Variants in NEDD1 observed in about 807,000 individuals in gnomAD.
NEDD1 encodes the protein NEDD1 gamma-tubulin ring complex targeting factor, also known as protein NEDD1.
A neutral mutation model predicts 74.0 loss-of-function variants in NEDD1; 33 were observed. The ratio of observed to expected loss-of-function variants is 0.45; its 90% confidence interval spans 0.34 to 0.60. The LOEUF is 0.60. Among genes scored for constraint, NEDD1 ranks in the 20% least tolerant of loss-of-function variants. The pLI, the probability that NEDD1 is intolerant of heterozygous loss-of-function variation, is 0.01. For missense variants in NEDD1, 746 were observed against 776.5 expected, an observed-to-expected ratio of 0.96 and a Z score of 0.47; for synonymous variants, 250 against 264.4, an observed-to-expected ratio of 0.95 and a Z score of 0.53.
intron 6 of NEDD1, among the ~76,000 whole-genome samples, chr12:96,925,535 A>G (rs1404458040): frequency 2.0e-5 from 3 of 152,170 alleles, no homozygotes; most frequent in African/African-American, 7.2e-5. Context: ...TTTCTTTTGC[A>G]TATCTAGCTC....
chr12:96,917,700 G>A lies in NEDD1; in HGVS notation c.311G>A (p.Trp104Ter). The A allele has an allele frequency of 6.4e-7, 1 of 1,555,656 alleles. No homozygotes were observed. Among genetic ancestry groups the A allele is most frequent in the Non-Finnish European group, 8.6e-7 (1 of 1,161,700 alleles). ...SGGLNNTVNI[W>*]DLKSKRVHRS... ...GGCCTAAATAACACTGTTAATATTT[G>A]GGATTTAAAATCAAAAAGAGTTCAT... The change falls in exon 5 of 16, where the codon TGG (tryptophan) becomes TAG (stop). Residue 104 changes from tryptophan (W) to a stop codon, truncating the protein, a stop_gained. Transcript: ENST00000266742. LOFTEE classifies it high-confidence loss of function.
rs1374904606 is a variant in NEDD1, at chr12:96,945,739, C to T, written c.1701C>T (p.Leu567=). The T allele has an allele frequency of 1.9e-6, 3 of 1,607,078 alleles. No homozygotes were observed. Among genetic ancestry groups the T allele is most frequent in the Admixed American group, 1.7e-5 (1 of 59,976 alleles). ...TCACTGCTGGAGTTGCCAGTTCACT[C>T]TCAGAAAAAATAGCCGACAGCATTG... The part of the protein sequence containing the change: ...SSVTAGVASS[L]SEKIADSIGN... Residue 567 remains leucine, a synonymous_variant, in exon 14 of 16, where the codon CTC becomes CTT. Transcript: ENST00000266742.
chr12:96,945,889 T>A (rs61938398), intron 14 of NEDD1, 40 bp downstream of exon 14: 68 of 1,349,496 alleles, frequency 5.0e-5, no homozygotes, highest in Non-Finnish European at 6.8e-5. Context: ...TAGACCTTAC[T>A]TGTTTTTTTT....
At chr12:96,928,536 C>T (rs1264586943) in intron 6 of NEDD1, among the ~76,000 whole-genome samples, 2 of 151,894 alleles carry the variant, frequency 1.3e-5, no homozygotes, top group Non-Finnish European at 2.9e-5. Context: ...GATTTCATAG[C>T]TTTTGAAACC....
intron 3 of NEDD1, among the ~76,000 whole-genome samples, chr12:96,911,792 A>G (rs558799430): frequency 1.3e-5 from 2 of 152,304 alleles, no homozygotes; most frequent in East Asian, 3.9e-4. Context: ...TTTGATTTGC[A>G]TCATGTATCA....
intron 14 of NEDD1, among the ~76,000 whole-genome samples, chr12:96,950,182 A>G (rs1395302386): frequency 1.3e-5 from 2 of 152,040 alleles, no homozygotes; most frequent in Admixed American, 1.3e-4. Flanking sequence ...CACAGGAAAG[A>G]TATTCAACTT....
At chr12:96,914,371 A>G (rs780226950) in intron 4 of NEDD1, among the ~76,000 whole-genome samples, 4 of 152,194 alleles carry the variant, frequency 2.6e-5, no homozygotes, top group Non-Finnish European at 5.9e-5. Context: ...CAAGTGTGAC[A>G]TAATTCTAAG....
intron 6 of NEDD1, among the ~76,000 whole-genome samples, chr12:96,927,470 C>T (rs1463764546): frequency 6.6e-6 from 1 of 152,220 alleles, no homozygotes; most frequent in African/African-American, 2.4e-5. Context: ...TTGCATGTCA[C>T]TCTTTAGCAA....
At chr12:96,945,870 C>A in intron 14 of NEDD1, 21 bp downstream of exon 14, 4 of 1,515,750 alleles carry the variant, frequency 2.6e-6, no homozygotes, top group Non-Finnish European at 3.6e-6. Flanking sequence ...AGAAACTACT[C>A]CTTCTATCTA....
At chr12:96,929,603 A>ATGTG (rs1291843691) in intron 6 of NEDD1, among the ~76,000 whole-genome samples, 13 of 48,410 alleles carry the variant, frequency 2.7e-4, no homozygotes, top group Non-Finnish European at 5.2e-4. Context: ...ACACACACAT[A>ATGTG]TGTGTATATA....
chr12:96,919,970 A>C lies in NEDD1; in HGVS notation c.349-15A>C, dbSNP rs1348282250. The C allele has an allele frequency of 6.3e-7, 1 of 1,587,478 alleles. No homozygotes were observed. Among genetic ancestry groups the C allele is most frequent in the Non-Finnish European group, 8.6e-7 (1 of 1,161,114 alleles). ...ATTATGGGGCAGTGTACTTACTTTC[A>C]TTTCTCTCTTTCAGGATCATAAAGA... On this transcript the variant is annotated splice_polypyrimidine_tract_variant and intron_variant, in intron 5 of 15. Transcript: ENST00000266742.
rs751895984 is a variant in NEDD1, at chr12:96,952,299, T to C, written c.*246T>C. 7 of 247,596 alleles carry C rather than the reference T, an allele frequency of 2.8e-5. No homozygotes were observed. The highest frequency in any genetic ancestry group is 1.3e-4 in the South Asian group (1 of 7,512). 15.3% of individuals were successfully genotyped at this position (247,596 alleles called of 1,614,324 possible). A position where few individuals can be genotyped will look rare whatever the true frequency, so the allele number is the denominator to read the frequency against. ...AACAGGATCTTTATTTTTTGAAAGC[T>C]TTAGCCATCCACTAAGTGCCCTTTT... On this transcript the variant is annotated 3_prime_UTR_variant, in exon 16 of 16. Coordinates refer to ENST00000266742, the MANE Select transcript of NEDD1 (RefSeq NM_152905.4).
rs1400387159 is a variant in NEDD1, at chr12:96,936,861, C to G, written c.921+49C>G. The G allele has an allele frequency of 3.4e-6, 4 of 1,170,004 alleles. No individual in the cohort carries two copies. In the African/African-American group the frequency reaches 4.6e-5, roughly 14 times the overall value. 72.5% of individuals were successfully genotyped at this position (1,170,004 alleles called of 1,614,324 possible). A position where few individuals can be genotyped will look rare whatever the true frequency, so the allele number is the denominator to read the frequency against. On this transcript the variant is annotated intron_variant, in intron 8 of 15. Transcript: ENST00000266742. ...TTTTTATTTTATTAAATAAATCTAA[C>G]TCAGAATATGGAAATTATATGTGGT...
chr12:96,937,203 T>C lies in NEDD1; in HGVS notation c.927T>C (p.Ser309=). Residue 309 remains serine (S), a synonymous_variant, in exon 9 of 16, where the codon AGT becomes AGC. Coordinates refer to ENST00000266742, the MANE Select transcript of NEDD1 (RefSeq NM_152905.4). The stretch of plus-strand genomic sequence containing the variant: ...AATATTCCATTACATTTCAGTCAAG[T>C]TTAAATAAAGGCTGTTCAAATAAGC... ...FQYSTVLTKS[S]LNKGCSNKPT... 1 of 1,582,688 alleles carries C rather than the reference T, an allele frequency of 6.3e-7. No homozygotes were observed. The highest frequency in any genetic ancestry group is 8.6e-7 in the Non-Finnish European group (1 of 1,162,626).
chr12:96,917,718 G>C lies in NEDD1; in HGVS notation c.329G>C (p.Arg110Thr). ...TVNIWDLKSK[R>T]VHRSLKDHKD... is the part of the protein sequence containing the mutation. ...AATATTTGGGATTTAAAATCAAAAA[G>C]AGTTCATCGATCTCTTAAGGTAAGC... is the stretch of plus-strand genomic sequence containing the variant. Residue 110 changes from arginine (R) to threonine (T), a missense_variant, in exon 5 of 16, where the codon AGA becomes ACA. By Grantham distance (71) the Arg-to-Thr change is moderately conservative. Around this residue, in one of 3 missense-constraint regions of NEDD1, gnomAD observed 706 missense variants for 706.7 expected, o/e 1.00. Transcript: ENST00000266742. The C allele has an allele frequency of 6.4e-7, 1 of 1,556,890 alleles. No homozygotes were observed. Among genetic ancestry groups the C allele is most frequent in the East Asian group, 2.4e-5 (1 of 42,040 alleles).
Position 96,942,601 on chromosome 12 carries a change from A to G in NEDD1, c.1271A>G (p.Asp424Gly), listed in dbSNP as rs1191999604. 21 of 1,524,312 alleles carry G rather than the reference A, an allele frequency of 1.4e-5. No individual in the cohort carries two copies. Among genetic ancestry groups the G allele is most frequent in the East Asian group, 2.3e-5 (1 of 44,408 alleles). 94.4% of individuals were successfully genotyped at this position (1,524,312 alleles called of 1,614,324 possible). A position where few individuals can be genotyped will look rare whatever the true frequency, so the allele number is the denominator to read the frequency against. ...GATGCTGTAGTTAACAAGGGAAGTGATGAGTCCATAGGCAAAGGAGATGGT... is the reference window on the plus strand; with the variant it reads ...GATGCTGTAGTTAACAAGGGAAGTGGTGAGTCCATAGGCAAAGGAGATGGT... ...RDDAVVNKGS[D>G]ESIGKGDGFD... Residue 424 changes from aspartate to glycine, a missense_variant, in exon 11 of 16, where the codon GAT (aspartate) becomes GGT (glycine). Physicochemically the swap from Asp to Gly is moderately conservative, Grantham distance 94 (BLOSUM62 -1). Transcript: ENST00000266742.
intron 8 of NEDD1, 77 bp from the exon 9 acceptor site, chr12:96,937,119 AAC>A (rs1249564829): frequency 1.3e-6 from 1 of 788,814 alleles, no homozygotes; most frequent in Non-Finnish European, 1.8e-6. Context: ...TTTTTAATCT[AAC>A]AGGGAATTTA....
chr12:96,929,890 G>A (rs1876189869), intron 6 of NEDD1, among the ~76,000 whole-genome samples: 1 of 152,042 alleles, frequency 6.6e-6, no homozygotes, highest in Non-Finnish European at 1.5e-5. Flanking sequence ...TTTGACTGAG[G>A]TTGTAAAATT....
In NEDD1 at chr12:96,951,563, T is replaced by G; in HGVS notation, c.1878+65T>G. The G allele has an allele frequency of 3.5e-6, 3 of 848,102 alleles. No homozygotes were observed. In the South Asian group the frequency reaches 4.7e-5, roughly 13 times the overall value. The allele number at this position is 848,102 out of a possible 1,614,324, so 52.5% of individuals were successfully genotyped here. Reference sequence around the variant, plus strand: ...GTAGAGTTGTGTGAATTTTTAAAAATCCATGAAAGGTAATATATTTTAGTT... The same window carrying G: ...GTAGAGTTGTGTGAATTTTTAAAAAGCCATGAAAGGTAATATATTTTAGTT... On this transcript the variant is annotated intron_variant, in intron 15 of 15. Coordinates refer to ENST00000266742, the MANE Select transcript of NEDD1 (RefSeq NM_152905.4).
Sources: allele counts gnomAD v4.1 joint callset (sites outside exome capture counted in the v4.1 genomes callset), GRCh38; gene constraint gnomAD v4.1.1; regional missense constraint gnomAD v4.1.1; transcripts MANE v1.5; gene names NCBI Gene and HGNC (gene_info 2026-07-23, HGNC 2026-07-21).